The following SPTB variants were observed in gnomAD, a reference collection of about 807,000 sequenced individuals.
SPTB encodes spectrin beta, erythrocytic.
Under a neutral mutation model 256.2 loss-of-function variants are expected in SPTB, and 45 were observed. The observed-to-expected ratio is 0.18, with a 90% CI of 0.14 to 0.23. The LOEUF (loss-of-function observed/expected upper bound fraction) is 0.23, where lower values mean the gene tolerates loss of function less well. SPTB is among the 10% of genes least tolerant of loss of function. The pLI is 1.00. For synonymous variants in SPTB, 1,231 were observed against 1,243.1 expected (o/e 0.99, Z 0.21); for missense variants, 2,715 against 3,040.4 (o/e 0.89, Z 2.52).
intron 1 of SPTB, among the ~76,000 whole-genome samples, chr14:64,878,992 G>A (rs1035387705): frequency 2.6e-5 from 4 of 152,200 alleles, no homozygotes; most frequent in Non-Finnish European, 5.9e-5. Flanking sequence ...TGGGAAGTAC[G>A]GATGAGTTGG....
At chr14:64,821,179 A>C (rs1282719840) in intron 2 of SPTB, among the ~76,000 whole-genome samples, 1 of 152,060 alleles carries the variant, frequency 6.6e-6, no homozygotes, top group East Asian at 1.9e-4. Flanking sequence ...TGGCTCTCTC[A>C]TTGCTGTTTA....
chr14:64,800,970 G>T, intron 7 of SPTB, 102 bp from the exon 8 acceptor site: 1 of 889,570 alleles, frequency 1.1e-6, no homozygotes, highest in Non-Finnish European at 1.8e-6. Context: ...TTCAACTACA[G>T]GCAGCAAGTG....
Position 64,795,614 on chromosome 14 carries a change from G to A in SPTB, c.1367C>T (p.Ala456Val). The A allele has an allele frequency of 2.5e-6, 4 of 1,614,034 alleles. No individual in the cohort carries two copies. The highest frequency in any genetic ancestry group is 1.3e-5 in the African/African-American group (1 of 75,008). The change falls in exon 12 of 36, where the codon GCT (alanine) becomes GTT (valine). Residue 456 changes from alanine (A) to valine (V), a missense_variant. This residue lies in a region of SPTB where 416 missense variants were observed against 571.1 expected (regional missense o/e 0.73). Coordinates refer to ENST00000644917, the MANE Select transcript of SPTB (RefSeq NM_001355436.2). The surrounding 1 kb of genome is among the most constrained non-coding windows in gnomAD (Gnocchi z 6.5). ...ATGCTTCTTCTTGGCGGCCTCCACA[G>A]CTGCCAGGTCATACCCAAAGTTATC... Reference protein sequence around the residue: ...AQDNFGYDLAAVEAAKKKHEA... With the variant: ...AQDNFGYDLAVVEAAKKKHEA...
At position 64,749,654 on chromosome 14, in the gene SPTB, C is replaced by G; in HGVS notation, c.6819G>C (p.Glu2273Asp). 6.2e-7 allele frequency: 1 copy of G among 1,613,794 alleles called. No homozygotes were observed. The highest frequency in any genetic ancestry group is 1.1e-5 in the South Asian group (1 of 91,086). The change falls in exon 35 of 36, where the codon GAG becomes GAC. Residue 2273 changes from glutamate (E) to aspartate (D), a missense_variant and splice_region_variant. Glu to Asp is a conservative substitution (Grantham distance 45). This residue lies in a region of SPTB where 2,239 missense variants were observed against 2,384.4 expected (regional missense o/e 0.94). Transcript: ENST00000644917. This position sits in a 1 kb window ranked among gnomAD's most constrained non-coding sequence, Gnocchi z 4.7. ...GSEWLFHGKD[E>D]EEMLSWLQGV... ...TCTGGGCTAGGCTGCCCGCGCTTAC[C>G]TCATCCTTGCCATGGAAGAGCCACT...
At chr14:64,869,132 C>T (rs1281636892) in intron 1 of SPTB, among the ~76,000 whole-genome samples, 1 of 151,966 alleles carries the variant, frequency 6.6e-6, no homozygotes, top group Admixed American at 6.6e-5. Flanking sequence ...AATAAACACA[C>T]ATGGGTTCAA....
Position 64,767,768 on chromosome 14 carries a change from T to C in SPTB, c.6114A>G (p.Gly2038=). The C allele has an allele frequency of 6.2e-7, 1 of 1,614,010 alleles. No homozygotes were observed. The change falls in exon 30 of 36, where the codon GGA becomes GGG. Residue 2038 remains glycine, a synonymous_variant. Transcript: ENST00000644917. Reference sequence around the variant, plus strand: ...GCTTCTCCACACTGTCCACTGTGTGTCCAAAGTCCCCGCTGGCCAGGTAGG... The same window carrying C: ...GCTTCTCCACACTGTCCACTGTGTGCCCAAAGTCCCCGCTGGCCAGGTAGG... ...QEPYLASGDF[G]HTVDSVEKLI...
rs1566731898 is a variant in SPTB, at chr14:64,751,946, T to TAAAAAAAAAAAAAAAAAAAAAAAAAAAA, written c.6602+1590_6602+1591insTTTTTTTTTTTTTTTTTTTTTTTTTTTT. ...AAAATGCAAAAAAAAAAAAAAAAATTAGCCAGGCGTGGTGGCACGTGCCTG... is the reference window on the plus strand; with the variant it reads ...AAAATGCAAAAAAAAAAAAAAAAATTAAAAAAAAAAAAAAAAAAAAAAAAAAAAAGCCAGGCGTGGTGGCACGTGCCTG... On this transcript the variant is annotated intron_variant, in intron 33 of 35. Coordinates refer to ENST00000644917, the MANE Select transcript of SPTB (RefSeq NM_001355436.2). Among the ~76,000 whole-genome samples, 24 of 90,468 alleles carry TAAAAAAAAAAAAAAAAAAAAAAAAAAAA rather than the reference T, an allele frequency of 2.7e-4. 3 individuals carry two copies. Among genetic ancestry groups the TAAAAAAAAAAAAAAAAAAAAAAAAAAAA allele is most frequent in the African/African-American group, 7.0e-4 (16 of 22,734 alleles). 59.4% of individuals were successfully genotyped at this position (90,468 alleles called of 152,430 possible). A position where few individuals can be genotyped will look rare whatever the true frequency, so the allele number is the denominator to read the frequency against.
chr14:64,864,604 C>G (rs1000919150), intron 1 of SPTB, among the ~76,000 whole-genome samples: 1 of 152,102 alleles, frequency 6.6e-6, no homozygotes, highest in Non-Finnish European at 1.5e-5. Context: ...CCTACACAAA[C>G]ACATATCTGT....
rs1253849402 is a variant in SPTB, at chr14:64,807,915, C to T, written c.149-2825G>A. ...CCCTGCCAGGAGCCAGGCCTTATTT[C>T]CAGAGCCCTAACCCTGCCAGTGCAG... is the stretch of plus-strand genomic sequence containing the variant. On this transcript the variant is annotated intron_variant, in intron 2 of 35. Transcript: ENST00000644917. The surrounding 1 kb of genome is among the most constrained non-coding windows in gnomAD (Gnocchi z 4.7). Among the ~76,000 whole-genome samples the T allele has an allele frequency of 6.6e-6, 1 of 152,246 alleles. No homozygotes were observed. The highest frequency in any genetic ancestry group is 1.5e-5 in the Non-Finnish European group (1 of 68,034).
chr14:64,756,803 C>G (rs936550676), intron 32 of SPTB: 1 of 152,220 alleles, frequency 6.6e-6, no homozygotes, highest in Non-Finnish European at 1.5e-5. Flanking sequence ...CTTTTCCCAC[C>G]TTAGCGCCCC....
rs564767936 is a variant in SPTB at position 64,873,545 on chromosome 14, C to G, written c.-52+6247G>C. On this transcript the variant is annotated intron_variant, in intron 1 of 35. Transcript: ENST00000644917. This position sits in a 1 kb window ranked among gnomAD's most constrained non-coding sequence, Gnocchi z 4.3. Reference sequence around the variant, plus strand: ...GCATGCTACTGAGAATCCATTAATTCATGCTTTGGAACAGCATCTGTGCAT... The same window carrying G: ...GCATGCTACTGAGAATCCATTAATTGATGCTTTGGAACAGCATCTGTGCAT... 8.5e-5 allele frequency among the ~76,000 whole-genome samples: 13 copies of G among 152,310 alleles called. No homozygotes were observed. In the South Asian group the frequency reaches 2.5e-3, roughly 29 times the overall value.
chr14:64,759,573 CAG>C lies in SPTB; in HGVS notation c.6346-5782_6346-5781del, dbSNP rs1415850765. ...CCCGACAGGAGGCGAGATCTATGGA[CAG>C]AGAGCACCAGGAGGGGCGATGCTGG... On this transcript the variant is annotated intron_variant, in intron 32 of 35. Coordinates refer to ENST00000644917, the MANE Select transcript of SPTB (RefSeq NM_001355436.2). This position sits in a 1 kb window ranked among gnomAD's most constrained non-coding sequence, Gnocchi z 4.8. Among the ~76,000 whole-genome samples the C allele has an allele frequency of 6.6e-6, 1 of 152,240 alleles. No individual in the cohort carries two copies. Among genetic ancestry groups the C allele is most frequent in the Non-Finnish European group, 1.5e-5 (1 of 68,040 alleles).
At position 64,852,148 on chromosome 14, in the gene SPTB, C is replaced by T. The variant is rs956556514; in HGVS notation, c.-52+27644G>A. 3.3e-5 allele frequency among the ~76,000 whole-genome samples: 5 copies of T among 152,198 alleles called. No homozygotes were observed. Among genetic ancestry groups the T allele is most frequent in the African/African-American group, 9.7e-5 (4 of 41,440 alleles). On this transcript the variant is annotated intron_variant, in intron 1 of 35. Coordinates refer to ENST00000644917, the MANE Select transcript of SPTB (RefSeq NM_001355436.2). This position sits in a 1 kb window ranked among gnomAD's most constrained non-coding sequence, Gnocchi z 4.2. ...GTTTCATGGGAGCAGAGTAGACACA[C>T]AGAAGGCCTTCTGCAAGGGTGGACG...
In SPTB at chr14:64,850,279, G is replaced by T. The variant is rs183537067; in HGVS notation, c.-51-27134C>A. ...GGGACGTCAGGTGGGTGAATGAGTG[G>T]CCTCCAAAGGAGTGGTAGGATAAGG... On this transcript the variant is annotated intron_variant, in intron 1 of 35. Coordinates refer to ENST00000644917, the MANE Select transcript of SPTB (RefSeq NM_001355436.2). Among the ~76,000 whole-genome samples, 379 of 152,286 alleles carry T rather than the reference G, an allele frequency of 2.5e-3. 6 individuals are homozygous for T. Among genetic ancestry groups the T allele is most frequent in the Non-Finnish European group, 1.5e-3 (100 of 68,030 alleles).
In SPTB at chr14:64,751,946, T is replaced by TAAAAAAAAAAAAAAAA. The variant is rs1566731898; in HGVS notation, c.6602+1590_6602+1591insTTTTTTTTTTTTTTTT. 3.5e-3 allele frequency among the ~76,000 whole-genome samples: 317 copies of TAAAAAAAAAAAAAAAA among 90,344 alleles called. 23 individuals carry two copies. Among genetic ancestry groups the TAAAAAAAAAAAAAAAA allele is most frequent in the African/African-American group, 7.6e-3 (173 of 22,664 alleles). The allele number at this position is 90,344 out of a possible 152,430, so 59.3% of individuals were successfully genotyped here. ...AAAATGCAAAAAAAAAAAAAAAAAT[T>TAAAAAAAAAAAAAAAA]AGCCAGGCGTGGTGGCACGTGCCTG... On this transcript the variant is annotated intron_variant, in intron 33 of 35. Coordinates refer to ENST00000644917, the MANE Select transcript of SPTB (RefSeq NM_001355436.2).
intron 9 of SPTB, 104 bp from the exon 10 acceptor site, chr14:64,797,950 A>G: frequency 1.2e-6 from 1 of 820,958 alleles, no homozygotes; most frequent in Admixed American, 1.7e-5. Flanking sequence ...GTAGATAGCA[A>G]AGCATATTTC....
intron 2 of SPTB, among the ~76,000 whole-genome samples, chr14:64,822,401 C>CACACACACACACACACAG (rs1555374137): frequency 7.3e-6 from 1 of 136,636 alleles, no homozygotes; most frequent in Non-Finnish European, 1.6e-5. Context: ...CACACACACA[C>CACACACACACACACACAG]AGAGAGATCT....
Position 64,786,421 on chromosome 14 carries a change from C to G in SPTB, c.3544G>C (p.Ala1182Pro). Residue 1182 changes from alanine to proline, a missense_variant, in exon 16 of 36, where the codon GCC (alanine) becomes CCC (proline). Transcript: ENST00000644917. This position sits in a 1 kb window ranked among gnomAD's most constrained non-coding sequence, Gnocchi z 5.6. ...CTCTCTACCTGGTTGCTGAGGATGG[C>G]TTCAGCCTGCTTGGCATCTTTCTGG... Reference protein sequence around the residue: ...EFQKDAKQAEAILSNQEYTLA... With the variant: ...EFQKDAKQAEPILSNQEYTLA... 6.2e-7 allele frequency: 1 copy of G among 1,614,122 alleles called. No individual in the cohort carries two copies. Among genetic ancestry groups the G allele is most frequent in the Non-Finnish European group, 8.5e-7 (1 of 1,180,036 alleles).
chr14:64,817,577 A>G (rs2083214553), intron 2 of SPTB, among the ~76,000 whole-genome samples: 1 of 152,258 alleles, frequency 6.6e-6, no homozygotes, highest in Non-Finnish European at 1.5e-5. Flanking sequence ...GAATCTGTCA[A>G]CTTAACAAAG....
Sources: allele counts gnomAD v4.1 joint callset (sites outside exome capture counted in the v4.1 genomes callset), GRCh38; gene constraint gnomAD v4.1.1; regional missense constraint gnomAD v4.1.1; non-coding constraint Gnocchi (gnomAD v3.1); transcripts MANE v1.5; gene names NCBI Gene and HGNC (gene_info 2026-07-23, HGNC 2026-07-21).